SRGAP3: variants seen among roughly 807,000 people sequenced by gnomAD.
The protein encoded by SRGAP3 is SLIT-ROBO Rho GTPase-activating protein 3.
A neutral mutation model predicts 121.1 loss-of-function variants in SRGAP3; 39 were observed. That is an observed-to-expected ratio of 0.32 (90% CI 0.25 to 0.42). SRGAP3 has a LOEUF of 0.42. Ranked by LOEUF, SRGAP3 falls within the 10% of genes least tolerant of loss-of-function variation. The probability of loss-of-function intolerance (pLI) is 1.00; values close to 1 mark genes in which losing one functional copy is unlikely to be tolerated. For missense variants in SRGAP3, 1,213 were observed against 1,470.6 expected (o/e 0.82, Z 2.86); for synonymous variants, 601 against 570.0 (o/e 1.05, Z -0.77).
chr3:8,996,223 T>C (rs977227666), intron 18 of SRGAP3, among the ~76,000 whole-genome samples: 4 of 152,230 alleles, frequency 2.6e-5, no homozygotes, highest in Non-Finnish European at 4.4e-5. Flanking sequence ...TAGTACCCTA[T>C]AAGAGTTACA....
intron 3 of SRGAP3, among the ~76,000 whole-genome samples, chr3:9,318,923 C>T (rs1955396775): frequency 6.6e-6 from 1 of 151,528 alleles, no homozygotes; most frequent in Non-Finnish European, 1.5e-5. Context: ...AAAATCAAAG[C>T]CAGGAAGATC....
intron 14 of SRGAP3, among the ~76,000 whole-genome samples, chr3:9,016,786 T>C (rs1387918679): frequency 2.0e-5 from 3 of 152,236 alleles, no homozygotes; most frequent in African/African-American, 4.8e-5. Flanking sequence ...TTTCTAATTA[T>C]GTCATTTCTT....
intron 1 of SRGAP3, among the ~76,000 whole-genome samples, chr3:9,175,571 C>T (rs1433964413): frequency 6.6e-6 from 1 of 152,202 alleles, no homozygotes; most frequent in Non-Finnish European, 1.5e-5. Flanking sequence ...AAAGGCTGGT[C>T]TGCTATGGGG....
intron 1 of SRGAP3, among the ~76,000 whole-genome samples, chr3:9,230,652 C>T (rs1318213686): frequency 1.3e-5 from 2 of 152,254 alleles, no homozygotes; most frequent in African/African-American, 2.4e-5. Context: ...AGGAGGATCG[C>T]TTGTGCCTAG....
At chr3:9,049,792 T>TA (rs1945475929) in intron 9 of SRGAP3, among the ~76,000 whole-genome samples, 2 of 150,906 alleles carry the variant, frequency 1.3e-5, no homozygotes, top group Non-Finnish European at 3.0e-5. Context: ...TTTTTTTTTT[T>TA]AGGTAAGGTC....
intron 4 of SRGAP3, among the ~76,000 whole-genome samples, chr3:9,074,407 G>T (rs768360322): frequency 6.8e-4 from 104 of 152,188 alleles, no homozygotes; most frequent in Admixed American, 4.1e-3. Context: ...GAGTTTGTGT[G>T]GCAGGGCCTT....
chr3:9,352,875 G>C (rs1000689662), intron 1 of SRGAP3, among the ~76,000 whole-genome samples: 2 of 152,228 alleles, frequency 1.3e-5, no homozygotes, highest in African/African-American at 4.8e-5. Flanking sequence ...TGCCTCAACT[G>C]AGTATGTGCT....
chr3:9,212,682 T>A (rs1952486140), intron 1 of SRGAP3, among the ~76,000 whole-genome samples: 1 of 152,048 alleles, frequency 6.6e-6, no homozygotes, highest in Non-Finnish European at 1.5e-5. Context: ...GCCACTGCAC[T>A]CCCACCTGGT....
rs558839689 is a variant in SRGAP3 at position 9,109,384 on chromosome 3, A to G, written c.261-4542T>C. On this transcript the variant is annotated intron_variant, in intron 2 of 21. Coordinates refer to ENST00000383836, the MANE Select transcript of SRGAP3 (RefSeq NM_014850.4). This position sits in a 1 kb window ranked among gnomAD's most constrained non-coding sequence, Gnocchi z 4.4. ...AGCGCTGTCCTTATCAGAAGCTGCA[A>G]GCCAGGAGGCAGTGCGGTATAAGAC... Among the ~76,000 whole-genome samples the G allele has an allele frequency of 6.6e-6, 1 of 152,348 alleles. No individual in the cohort carries two copies. The highest frequency in any genetic ancestry group is 2.1e-4 in the South Asian group (1 of 4,826).
intron 10 of SRGAP3, among the ~76,000 whole-genome samples, chr3:9,043,897 C>T (rs1189844314): frequency 6.6e-6 from 1 of 152,046 alleles, no homozygotes; most frequent in South Asian, 2.1e-4. Flanking sequence ...TGAGTGTAAA[C>T]CCTGGAGCTT....
chr3:9,278,698 A>G (rs1954626492), intron 3 of SRGAP3, among the ~76,000 whole-genome samples: 3 of 152,332 alleles, frequency 2.0e-5, no homozygotes, highest in South Asian at 2.1e-4. Flanking sequence ...GCAGCCGGGT[A>G]TCCTGGGTAG....
chr3:9,166,129 G>T (rs541109791), intron 1 of SRGAP3, among the ~76,000 whole-genome samples: 1 of 152,234 alleles, frequency 6.6e-6, no homozygotes, highest in Non-Finnish European at 1.5e-5. Context: ...CTTTGCCTGT[G>T]AAGAATCTCC....
chr3:9,212,756 A>G (rs1335387690), intron 1 of SRGAP3, among the ~76,000 whole-genome samples: 3 of 152,248 alleles, frequency 2.0e-5, no homozygotes, highest in South Asian at 2.1e-4. Context: ...CTGCTAGACT[A>G]TAAGTTCATG....
intron 2 of SRGAP3, among the ~76,000 whole-genome samples, chr3:9,121,193 T>A (rs533733236): frequency 1.3e-5 from 2 of 151,926 alleles, no homozygotes; most frequent in African/African-American, 4.8e-5. Context: ...CTCCCACCCA[T>A]GCACACGCAC....
intron 18 of SRGAP3, among the ~76,000 whole-genome samples, chr3:8,995,888 A>C (rs1574867838): frequency 1.3e-5 from 2 of 152,210 alleles, no homozygotes; most frequent in Admixed American, 6.5e-5. Context: ...GAAGAGTAAC[A>C]AAAGCAACCC....
At chr3:9,078,555 C>G (rs148953814) in intron 4 of SRGAP3, among the ~76,000 whole-genome samples, 3 of 152,234 alleles carry the variant, frequency 2.0e-5, no homozygotes, top group African/African-American at 7.2e-5. Flanking sequence ...ACTTCTGGTA[C>G]AGAATGCTCT....
intron 3 of SRGAP3, among the ~76,000 whole-genome samples, chr3:9,273,925 C>G (rs754168408): frequency 6.6e-6 from 1 of 152,072 alleles, no homozygotes; most frequent in Non-Finnish European, 1.5e-5. Context: ...TATTTCTGGG[C>G]TCTCAATTGT....
intron 1 of SRGAP3, among the ~76,000 whole-genome samples, chr3:9,353,058 T>C (rs974265894): frequency 4.6e-5 from 7 of 152,218 alleles, no homozygotes; most frequent in African/African-American, 1.4e-4. Context: ...GCTTTGCCTT[T>C]GGCACCGTGT....
chr3:8,986,884 C>T (rs1362401696), intron 21 of SRGAP3, among the ~76,000 whole-genome samples: 1 of 152,214 alleles, frequency 6.6e-6, no homozygotes, highest in African/African-American at 2.4e-5. Flanking sequence ...CCCCCTGCCA[C>T]CCAGGGCAGC....
Sources: allele counts gnomAD v4.1 joint callset (sites outside exome capture counted in the v4.1 genomes callset), GRCh38; gene constraint gnomAD v4.1.1; non-coding constraint Gnocchi (gnomAD v3.1); transcripts MANE v1.5; gene names NCBI Gene and HGNC (gene_info 2026-07-23, HGNC 2026-07-21).